Variants in AXIN1 observed in about 807,000 individuals in gnomAD.
AXIN1 encodes axin-1.
Under a neutral mutation model 76.4 loss-of-function variants are expected in AXIN1, and 30 were observed. That is an observed-to-expected ratio of 0.39 (90% CI 0.29 to 0.53). The LOEUF (loss-of-function observed/expected upper bound fraction) is 0.53, where lower values mean the gene tolerates loss of function less well. Among genes scored for constraint, AXIN1 ranks in the 20% least tolerant of loss-of-function variants. The pLI, the probability that AXIN1 is intolerant of heterozygous loss-of-function variation, is 0.66. For missense variants in AXIN1, 1,140 were observed against 1,198.8 expected (o/e 0.95, Z 0.72); for synonymous variants, 545 against 501.4 (o/e 1.09, Z -1.16).
chr16:307,974 G>T (rs1478165544), intron 4 of AXIN1, among the ~76,000 whole-genome samples: 1 of 152,198 alleles, frequency 6.6e-6, no homozygotes. Context: ...CCCACCGAAG[G>T]TTCCAACCAC....
intron 2 of AXIN1, among the ~76,000 whole-genome samples, chr16:345,419 A>G (rs2054013669): frequency 6.6e-6 from 1 of 152,252 alleles, no homozygotes; most frequent in South Asian, 2.1e-4. Flanking sequence ...AGATCATTAT[A>G]AAAGCAATAA....
intron 2 of AXIN1, among the ~76,000 whole-genome samples, chr16:338,734 C>T (rs1267152801): frequency 6.6e-6 from 1 of 152,140 alleles, no homozygotes; most frequent in Non-Finnish European, 1.5e-5. Flanking sequence ...ACCAGCCTGG[C>T]CAACATGGCG....
intron 2 of AXIN1, among the ~76,000 whole-genome samples, chr16:320,181 G>A (rs1293577980): frequency 6.6e-6 from 1 of 152,042 alleles, no homozygotes; most frequent in African/African-American, 2.4e-5. Context: ...CAGGTAGGTG[G>A]GACAACAGGC....
chr16:293,506 C>T lies in AXIN1; in HGVS notation c.2168G>A (p.Arg723Gln), dbSNP rs141807086. The T allele has an allele frequency of 1.4e-5, 23 of 1,609,548 alleles. No individual in the cohort carries two copies. Among genetic ancestry groups the T allele is most frequent in the African/African-American group, 5.3e-5 (4 of 74,844 alleles). Residue 723 changes from arginine (R) to glutamine (Q), a missense_variant, in exon 8 of 11, where the codon CGA becomes CAA. This residue lies in a region of AXIN1 where 429 missense variants were observed against 405.8 expected (regional missense o/e 1.06). Transcript: ENST00000262320. This position sits in a 1 kb window ranked among gnomAD's most constrained non-coding sequence, Gnocchi z 4.6. ...RLEEEEKRASRAPSKQRYVQE... is the reference protein window; with the variant it reads ...RLEEEEKRASQAPSKQRYVQE... ...GCCGTACCTCTGCTTGGAGGGTGCT[C>T]GGCTGGCTCTCTTTTCTTCCTCCTC...
chr16:289,200 C>A (rs1016374674), intron 10 of AXIN1, among the ~76,000 whole-genome samples: 9 of 152,076 alleles, frequency 5.9e-5, no homozygotes, highest in African/African-American at 1.9e-4. Context: ...GCAATTCTGC[C>A]TCAGCCTCCC....
intron 1 of AXIN1, among the ~76,000 whole-genome samples, chr16:349,825 G>T (rs1188764002): frequency 6.6e-6 from 1 of 152,158 alleles, no homozygotes; most frequent in African/African-American, 2.4e-5. Flanking sequence ...TTGAGACAGG[G>T]TCTCGCTCTG....
At chr16:344,297 GC>G (rs1391978215) in intron 2 of AXIN1, among the ~76,000 whole-genome samples, 1 of 151,526 alleles carries the variant, frequency 6.6e-6, no homozygotes, top group Non-Finnish European at 1.5e-5. Context: ...CGGCATGGTG[GC>G]GGGCGCCTGT....
chr16:288,335 C>CG, intron 10 of AXIN1, 87 bp from the exon 11 acceptor site: 1 of 1,595,668 alleles, frequency 6.3e-7, no homozygotes, highest in Non-Finnish European at 8.6e-7. Context: ...TGTCCACACC[C>CG]CATCCCGAGG....
chr16:289,406 T>C, intron 10 of AXIN1, 34 bp downstream of exon 10: 1 of 1,612,112 alleles, frequency 6.2e-7, no homozygotes, highest in East Asian at 2.2e-5. Context: ...CACATACTCG[T>C]GCGGGGAGGG....
At chr16:345,194 G>A (rs1047513971) in intron 2 of AXIN1, among the ~76,000 whole-genome samples, 22 of 152,120 alleles carry the variant, frequency 1.4e-4, no homozygotes, top group Admixed American at 2.6e-4. Context: ...CTCCCTCCCA[G>A]GCAACACACG....
At chr16:319,383 C>T (rs751033573) in intron 2 of AXIN1, among the ~76,000 whole-genome samples, 5 of 152,148 alleles carry the variant, frequency 3.3e-5, no homozygotes, top group African/African-American at 4.8e-5. Flanking sequence ...TAGGGAAAAA[C>T]GTGCCCATCA....
rs751620249 is a variant in AXIN1, at chr16:288,120, T to TATC, written c.2588_*1dup. 1.9e-6 allele frequency: 3 copies of TATC among 1,613,204 alleles called. No homozygotes were observed. In the African/African-American group the frequency reaches 4.0e-5, roughly 22 times the overall value. ...TGGCACAGCGGCCAGCCCACCAGCC[T>TATC]ATCAGTCCACCTTCTCCACTTTGCC... is the stretch of plus-strand genomic sequence containing the variant. On this transcript the variant is annotated 3_prime_UTR_variant, in exon 11 of 11. Transcript: ENST00000262320.
chr16:296,534 G>A (rs956119969), intron 7 of AXIN1, among the ~76,000 whole-genome samples: 2 of 152,224 alleles, frequency 1.3e-5, no homozygotes, highest in African/African-American at 2.4e-5. Context: ...GGCGGGCAGC[G>A]GCAGGGGCTG....
intron 2 of AXIN1, among the ~76,000 whole-genome samples, chr16:330,018 G>A (rs1020851947): frequency 3.3e-5 from 5 of 151,036 alleles, no homozygotes; most frequent in African/African-American, 4.9e-5. Flanking sequence ...CTCCCGCCTC[G>A]ACCTTCCAAA....
At position 287,981 on chromosome 16, in the gene AXIN1, A is replaced by G. The variant is rs547346166; in HGVS notation, c.*141T>C. On this transcript the variant is annotated 3_prime_UTR_variant, in exon 11 of 11. Transcript: ENST00000262320. ...TTGGAGGGACCCCCTACCTGCCTCT[A>G]GACACGGGTAGACCACAGGGATGGG... The G allele has an allele frequency of 1.4e-6, 2 of 1,435,066 alleles. No homozygotes were observed. The highest frequency in any genetic ancestry group is 2.8e-5 in the African/African-American group (2 of 71,558). The allele number at this position is 1,435,066 out of a possible 1,614,324, so 88.9% of individuals were successfully genotyped here. A position where few individuals can be genotyped will look rare whatever the true frequency, so the allele number is the denominator to read the frequency against.
At chr16:295,981 G>A (rs1157275459) in intron 7 of AXIN1, among the ~76,000 whole-genome samples, 1 of 151,998 alleles carries the variant, frequency 6.6e-6, no homozygotes, top group Non-Finnish European at 1.5e-5. Flanking sequence ...AAAAAGACTC[G>A]AAGGCCAGGA....
chr16:306,586 G>A (rs1336119173), intron 4 of AXIN1, among the ~76,000 whole-genome samples: 1 of 152,214 alleles, frequency 6.6e-6, no homozygotes, highest in East Asian at 1.9e-4. Flanking sequence ...ACCTGAGAAG[G>A]ATGGGGTGAG....
chr16:307,507 C>A (rs1291988842), intron 4 of AXIN1, among the ~76,000 whole-genome samples: 1 of 152,224 alleles, frequency 6.6e-6, no homozygotes, highest in Non-Finnish European at 1.5e-5. Context: ...AAGCCACGGC[C>A]CCCAACCTTT....
At chr16:289,714 G>C in intron 9 of AXIN1, 107 bp from the exon 10 acceptor site, 1 of 1,435,944 alleles carries the variant, frequency 7.0e-7, no homozygotes, top group Non-Finnish European at 9.5e-7. Context: ...GCCTGCAGGG[G>C]TGAGCAGCAC....
Sources: gnomAD v4.1 joint callset for allele counts (sites outside exome capture counted in the v4.1 genomes callset) on GRCh38, gnomAD v4.1.1 for gene constraint, gnomAD v4.1.1 regional missense constraint, Gnocchi (gnomAD v3.1) non-coding constraint, MANE v1.5 for transcripts, NCBI Gene and HGNC (gene_info 2026-07-23, HGNC 2026-07-21) for gene names.